The following KCNH5 variants were observed in gnomAD, a reference collection of about 807,000 sequenced individuals.
The protein encoded by KCNH5 is voltage-gated delayed rectifier potassium channel KCNH5.
In KCNH5, 46 loss-of-function variants were observed where a neutral mutation model predicts 96.1. The observed-to-expected ratio is 0.48, with a 90% CI of 0.38 to 0.61. The LOEUF is 0.61. Ranked by LOEUF, KCNH5 falls within the 20% of genes least tolerant of loss-of-function variation. The pLI, the probability that KCNH5 is intolerant of heterozygous loss-of-function variation, is 0.00. For missense variants in KCNH5, 907 were observed against 1,225.8 expected, an observed-to-expected ratio of 0.74 and a Z score of 3.88; for synonymous variants, 439 against 449.8, an observed-to-expected ratio of 0.98 and a Z score of 0.30.
At chr14:62,734,146 C>A (rs1463637852) in intron 10 of KCNH5, among the ~76,000 whole-genome samples, 1 of 152,112 alleles carries the variant, frequency 6.6e-6, no homozygotes, top group African/African-American at 2.4e-5. Flanking sequence ...TCTAAGCTAT[C>A]CTATACGCCT....
intron 8 of KCNH5, among the ~76,000 whole-genome samples, chr14:62,818,584 TACC>T (rs1887047946): frequency 6.6e-6 from 1 of 152,138 alleles, no homozygotes; most frequent in African/African-American, 2.4e-5. Context: ...TCAAATAGCA[TACC>T]ACTACTCAAA....
At chr14:62,912,404 A>G (rs1254902312) in intron 7 of KCNH5, among the ~76,000 whole-genome samples, 2 of 149,594 alleles carry the variant, frequency 1.3e-5, no homozygotes. Context: ...TTCCTTCTAT[A>G]TCTTGATTTT....
chr14:63,013,557 T>G (rs775319354), intron 2 of KCNH5, among the ~76,000 whole-genome samples: 1 of 152,118 alleles, frequency 6.6e-6, no homozygotes, highest in Non-Finnish European at 1.5e-5. Flanking sequence ...ACCCCGTGTT[T>G]CTAAATGTGC....
At chr14:62,719,592 G>A (rs565898796) in intron 10 of KCNH5, among the ~76,000 whole-genome samples, 1 of 152,358 alleles carries the variant, frequency 6.6e-6, no homozygotes, top group Admixed American at 6.5e-5. Flanking sequence ...AGGAAAAGAT[G>A]TACAGAATTT....
intron 7 of KCNH5, among the ~76,000 whole-genome samples, chr14:62,875,847 C>G (rs1038728080): frequency 6.6e-6 from 1 of 151,804 alleles, no homozygotes; most frequent in African/African-American, 2.4e-5. Flanking sequence ...GTCAATGTTA[C>G]GTTGTTGATT....
At chr14:62,785,165 A>C (rs1886295556) in intron 9 of KCNH5, among the ~76,000 whole-genome samples, 1 of 152,192 alleles carries the variant, frequency 6.6e-6, no homozygotes, top group Non-Finnish European at 1.5e-5. Context: ...ATCAATTCAC[A>C]ACAAACTTTT....
At chr14:62,750,689 G>A (rs115149927) in intron 10 of KCNH5, among the ~76,000 whole-genome samples, 415 of 152,310 alleles carry the variant, frequency 2.7e-3, no homozygotes, top group African/African-American at 9.6e-3. Context: ...CAGAGTCCCT[G>A]TTCCTTCTAG....
intron 7 of KCNH5, among the ~76,000 whole-genome samples, chr14:62,859,209 A>T (rs1201109806): frequency 2.0e-5 from 3 of 152,130 alleles, no homozygotes; most frequent in African/African-American, 4.8e-5. Context: ...TAGCGGGCTG[A>T]TTACCCAGAG....
intron 2 of KCNH5, among the ~76,000 whole-genome samples, chr14:63,007,755 C>G (rs1343398529): frequency 6.6e-6 from 1 of 151,946 alleles, no homozygotes; most frequent in Non-Finnish European, 1.5e-5. Flanking sequence ...AAGATAGGTA[C>G]AAGTGTGGCT....
chr14:62,839,872 T>C (rs1194568322), intron 8 of KCNH5, among the ~76,000 whole-genome samples: 1 of 152,186 alleles, frequency 6.6e-6, no homozygotes, highest in East Asian at 1.9e-4. Flanking sequence ...ATCTTTCACG[T>C]CCAAATTCTA....
At chr14:63,004,146 G>A (rs1891083228) in intron 3 of KCNH5, among the ~76,000 whole-genome samples, 1 of 152,212 alleles carries the variant, frequency 6.6e-6, no homozygotes, top group Non-Finnish European at 1.5e-5. Context: ...TCCCAAAACA[G>A]TTTTCTGCAG....
chr14:62,795,674 C>A (rs187911346), intron 9 of KCNH5, among the ~76,000 whole-genome samples: 56 of 152,160 alleles, frequency 3.7e-4, no homozygotes, highest in Middle Eastern at 3.4e-3. Flanking sequence ...CTCACAATAG[C>A]CTTTACTGAG....
At chr14:62,774,157 A>T (rs1339454734) in intron 10 of KCNH5, among the ~76,000 whole-genome samples, 1 of 152,204 alleles carries the variant, frequency 6.6e-6, no homozygotes, top group Non-Finnish European at 1.5e-5. Context: ...AGGCACAAAC[A>T]AGAGTATGAC....
chr14:62,848,162 AG>A (rs1375532307), intron 8 of KCNH5, among the ~76,000 whole-genome samples: 6 of 152,218 alleles, frequency 3.9e-5, no homozygotes, highest in African/African-American at 1.4e-4. Flanking sequence ...TGGAAAGGAA[AG>A]CTTCTTGCTG....
Position 62,861,229 on chromosome 14 carries a change from G to A in KCNH5, c.1370-11377C>T, listed in dbSNP as rs183928634. On this transcript the variant is annotated intron_variant, in intron 7 of 10. Transcript: ENST00000322893. The stretch of plus-strand genomic sequence containing the variant: ...GATAGTAGGACTGACTTATTTTGCC[G>A]CTGAAATTTTGGTTTGCTTTTATTT... Among the ~76,000 whole-genome samples, 33 of 151,996 alleles carry A rather than the reference G, an allele frequency of 2.2e-4. No homozygotes were observed. In the East Asian group the frequency reaches 3.9e-3, roughly 18 times the overall value.
At chr14:62,902,676 T>G (rs1467842079) in intron 7 of KCNH5, among the ~76,000 whole-genome samples, 2 of 152,072 alleles carry the variant, frequency 1.3e-5, no homozygotes, top group Non-Finnish European at 2.9e-5. Flanking sequence ...TTTTTCTTTG[T>G]ATCAGTTTTA....
At chr14:63,016,716 A>C in intron 2 of KCNH5, 115 bp downstream of exon 2, 1 of 992,312 alleles carries the variant, frequency 1.0e-6, no homozygotes, top group South Asian at 2.3e-5. Flanking sequence ...ATATTCTAAC[A>C]TAATTTTTAA....
chr14:62,989,992 C>T (rs1292059091), intron 4 of KCNH5, among the ~76,000 whole-genome samples: 1 of 151,784 alleles, frequency 6.6e-6, no homozygotes, highest in Non-Finnish European at 1.5e-5. Context: ...CTAGAAAATT[C>T]CAAGTCAATC....
rs141773214 is a variant in KCNH5, at chr14:62,978,048, A to G, written c.942+2824T>C. Among the ~76,000 whole-genome samples, 745 of 152,328 alleles carry G rather than the reference A, an allele frequency of 4.9e-3. 10 individuals are homozygous for G. The highest frequency in any genetic ancestry group is 0.017 in the African/African-American group (708 of 41,574). ...GAGCCCTGGGGAAATGTGTGAGCCC[A>G]GCTTCAACATGTGAGCTGCAGGAGA... On this transcript the variant is annotated intron_variant, in intron 6 of 10. Coordinates refer to ENST00000322893, the MANE Select transcript of KCNH5 (RefSeq NM_139318.5).
Sources: allele counts gnomAD v4.1 joint callset (sites outside exome capture counted in the v4.1 genomes callset), GRCh38; gene constraint gnomAD v4.1.1; transcripts MANE v1.5; gene names NCBI Gene and HGNC (gene_info 2026-07-23, HGNC 2026-07-21).